The following SMAP2 variants were observed in gnomAD, a reference collection of about 807,000 sequenced individuals.
The protein encoded by SMAP2 is small ArfGAP2, also known as stromal membrane-associated protein 2.
In SMAP2, 25 loss-of-function variants were observed where a neutral mutation model predicts 56.4. That is an observed-to-expected ratio of 0.44 (90% CI 0.32 to 0.62). SMAP2 has a LOEUF of 0.62. Ranked by LOEUF, SMAP2 falls within the 20% of genes least tolerant of loss-of-function variation. The probability of loss-of-function intolerance (pLI) is 0.04; values close to 1 mark genes in which losing one functional copy is unlikely to be tolerated. For missense variants in SMAP2, 388 were observed against 545.6 expected, an observed-to-expected ratio of 0.71 and a Z score of 2.88; for synonymous variants, 157 against 181.7, an observed-to-expected ratio of 0.86 and a Z score of 1.09.
chr1:40,387,840 G>A (rs1054813956), intron 1 of SMAP2, among the ~76,000 whole-genome samples: 3 of 146,904 alleles, frequency 2.0e-5, no homozygotes, highest in African/African-American at 5.0e-5. Flanking sequence ...CTCGGCTTGC[G>A]GGGAGGTGTG....
chr1:40,411,489 T>G (rs1644935547), intron 4 of SMAP2, among the ~76,000 whole-genome samples: 1 of 152,204 alleles, frequency 6.6e-6, no homozygotes, highest in Non-Finnish European at 1.5e-5. Flanking sequence ...CTCAGGGTAT[T>G]CATGATTTCA....
intron 2 of SMAP2, among the ~76,000 whole-genome samples, chr1:40,365,986 C>T (rs1417919514): frequency 6.9e-5 from 10 of 144,592 alleles, no homozygotes; most frequent in South Asian, 6.8e-4. Context: ...ACTAGAATAA[C>T]CAATACAGAG....
intron 1 of SMAP2, among the ~76,000 whole-genome samples, chr1:40,400,393 TGGA>T (rs1184038794): frequency 6.6e-6 from 1 of 152,134 alleles, no homozygotes; most frequent in Non-Finnish European, 1.5e-5. Flanking sequence ...GGCTGTTTGG[TGGA>T]GAATGGTTTT....
intron 9 of SMAP2, among the ~76,000 whole-genome samples, chr1:40,419,455 T>G (rs1645021945): frequency 6.6e-6 from 1 of 152,088 alleles, no homozygotes; most frequent in Non-Finnish European, 1.5e-5. Flanking sequence ...TAATTTTTTT[T>G]GTATTTTTTA....
chr1:40,378,103 A>G (rs1233866773), intron 1 of SMAP2, among the ~76,000 whole-genome samples: 1 of 152,102 alleles, frequency 6.6e-6, no homozygotes, highest in East Asian at 1.9e-4. Context: ...GCAACCATTC[A>G]TTTTTTACTG....
At chr1:40,420,152 T>A (rs1645028147) in intron 9 of SMAP2, among the ~76,000 whole-genome samples, 1 of 152,224 alleles carries the variant, frequency 6.6e-6, no homozygotes, top group Non-Finnish European at 1.5e-5. Flanking sequence ...GAACCAGGAT[T>A]TCGATTTATT....
upstream of SMAP2, among the ~76,000 whole-genome samples, chr1:40,369,465 C>T (rs1003823822): frequency 1.3e-5 from 2 of 151,110 alleles, no homozygotes; most frequent in African/African-American, 4.9e-5. Flanking sequence ...TACTACAAGG[C>T]TACAATAACC....
chr1:40,395,433 G>A (rs1332024246), intron 1 of SMAP2, among the ~76,000 whole-genome samples: 3 of 152,056 alleles, frequency 2.0e-5, no homozygotes, highest in African/African-American at 7.2e-5. Flanking sequence ...TGTAATCCCA[G>A]TACTTTGGGA....
chr1:40,361,523 C>A (rs1569823945), intron 1 of SMAP2, among the ~76,000 whole-genome samples: 1 of 151,914 alleles, frequency 6.6e-6, no homozygotes, highest in Admixed American at 6.6e-5. Flanking sequence ...CCAAGTGGGC[C>A]CTTGAGGTCC....
At position 40,416,352 on chromosome 1, in the gene SMAP2, T is replaced by C. The variant is rs770194875; in HGVS notation, c.847+11T>C. ...AAATGCCTACTCAAGGTAGATTTCATGGGTGTCATGGCCATGTGCCAGGTA... is the reference window on the plus strand; with the variant it reads ...AAATGCCTACTCAAGGTAGATTTCACGGGTGTCATGGCCATGTGCCAGGTA... On this transcript the variant is annotated intron_variant, in intron 8 of 9. Coordinates refer to ENST00000372718, the MANE Select transcript of SMAP2 (RefSeq NM_022733.3). 1.9e-6 allele frequency: 3 copies of C among 1,610,504 alleles called. No individual in the cohort carries two copies. Among genetic ancestry groups the C allele is most frequent in the Middle Eastern group, 1.7e-4 (1 of 6,030 alleles).
At chr1:40,362,823 G>C (rs1294885113) in intron 2 of SMAP2, among the ~76,000 whole-genome samples, 1 of 152,090 alleles carries the variant, frequency 6.6e-6, no homozygotes, top group Non-Finnish European at 1.5e-5. Context: ...AAAGAGGAAG[G>C]CTATTCCCAG....
At chr1:40,352,743 G>T (rs1294055088) in intron 1 of SMAP2, among the ~76,000 whole-genome samples, 3 of 151,980 alleles carry the variant, frequency 2.0e-5, no homozygotes, top group African/African-American at 7.3e-5. Flanking sequence ...GCCCAGGCTG[G>T]TCTCAAACTC....
intron 1 of SMAP2, among the ~76,000 whole-genome samples, chr1:40,347,251 G>GT (rs1162670774): frequency 1.7e-3 from 112 of 64,374 alleles, no homozygotes; most frequent in Non-Finnish European, 3.4e-3. Flanking sequence ...TTTTGTTTTT[G>GT]TTTTTTTTTT....
intron 2 of SMAP2, among the ~76,000 whole-genome samples, chr1:40,407,298 A>C (rs902712926): frequency 6.6e-6 from 1 of 152,178 alleles, no homozygotes; most frequent in African/African-American, 2.4e-5. Context: ...CAGCCTGGGC[A>C]ACAGAGTGAG....
At chr1:40,355,400 T>C (rs1644431045) in intron 1 of SMAP2, among the ~76,000 whole-genome samples, 1 of 151,966 alleles carries the variant, frequency 6.6e-6, no homozygotes, top group Non-Finnish European at 1.5e-5. Flanking sequence ...TAATTGCTTA[T>C]TTTTAATTTT....
At chr1:40,396,775 G>T in intron 1 of SMAP2, 1 of 899,476 alleles carries the variant, frequency 1.1e-6, no homozygotes, top group Non-Finnish European at 1.3e-6. Flanking sequence ...AAAACATAGA[G>T]GTAAACATAC....
At chr1:40,407,313 C>G (rs1644894716) in intron 2 of SMAP2, among the ~76,000 whole-genome samples, 2 of 152,004 alleles carry the variant, frequency 1.3e-5, no homozygotes, top group South Asian at 4.2e-4. Flanking sequence ...AGTGAGACAC[C>G]TGTCTCTACA....
chr1:40,345,122 G>C (rs139955410), intron 1 of SMAP2, among the ~76,000 whole-genome samples: 1 of 151,908 alleles, frequency 6.6e-6, no homozygotes, highest in East Asian at 1.9e-4. Context: ...GCAAAATAAG[G>C]GCTGGGCATA....
intron 1 of SMAP2, among the ~76,000 whole-genome samples, chr1:40,405,218 A>G (rs919389280): frequency 6.6e-6 from 1 of 152,194 alleles, no homozygotes; most frequent in African/African-American, 2.4e-5. Context: ...GCCAGGCACA[A>G]TGGCTCACAC....
Sources: allele counts gnomAD v4.1 joint callset (sites outside exome capture counted in the v4.1 genomes callset), GRCh38; gene constraint gnomAD v4.1.1; transcripts MANE v1.5; gene names NCBI Gene and HGNC (gene_info 2026-07-23, HGNC 2026-07-21).